The following CD82 variants were observed in gnomAD, a reference collection of about 807,000 sequenced individuals.
The protein encoded by CD82 is CD82 molecule.
A neutral mutation model predicts 37.4 loss-of-function variants in CD82; 36 were observed. The ratio of observed to expected loss-of-function variants is 0.96; its 90% CI spans 0.74 to 1.27. The LOEUF (loss-of-function observed/expected upper bound fraction) is 1.27. CD82 is among the 50% of genes most tolerant of loss of function. The probability of loss-of-function intolerance (pLI) is 0.00; values close to 1 mark genes in which losing one functional copy is unlikely to be tolerated. For synonymous variants in CD82, 158 were observed against 137.4 expected, an observed-to-expected ratio of 1.15 and a Z score of -1.05; for missense variants, 340 against 347.0, an observed-to-expected ratio of 0.98 and a Z score of 0.16.
chr11:44,598,954 G>T (rs1450878103), intron 3 of CD82, among the ~76,000 whole-genome samples: 1 of 152,172 alleles, frequency 6.6e-6, no homozygotes, highest in Non-Finnish European at 1.5e-5. Context: ...GTTGACACAG[G>T]GCCACCCCCA....
rs1367485336 is a variant in CD82, at chr11:44,597,562, C to T, written c.64-2596C>T. Among the ~76,000 whole-genome samples the T allele has an allele frequency of 6.6e-6, 1 of 152,232 alleles. No individual in the cohort carries two copies. The highest frequency in any genetic ancestry group is 2.4e-5 in the African/African-American group (1 of 41,450). On this transcript the variant is annotated intron_variant, in intron 3 of 9. Transcript: ENST00000227155. This position sits in a 1 kb window ranked among gnomAD's most constrained non-coding sequence, Gnocchi z 4.1. ...TACAGAGGGACTGAATGGGTAGCCC[C>T]GGGGACTTTGCTCTCTGGGTTCCTC...
At chr11:44,610,878 A>C (rs940579681) in intron 6 of CD82, among the ~76,000 whole-genome samples, 2 of 151,784 alleles carry the variant, frequency 1.3e-5, no homozygotes, top group Non-Finnish European at 2.9e-5. Flanking sequence ...TCTGTTGCCC[A>C]GGCTGGAGTG....
chr11:44,591,166 G>C (rs1293219172), intron 2 of CD82, among the ~76,000 whole-genome samples: 2 of 152,178 alleles, frequency 1.3e-5, no homozygotes, highest in African/African-American at 4.8e-5. Context: ...TGGGCTGCCT[G>C]GCTCTCATTT....
intron 2 of CD82, 48 bp from the exon 3 acceptor site, chr11:44,594,595 C>A: frequency 8.4e-7 from 1 of 1,196,544 alleles, no homozygotes; most frequent in Non-Finnish European, 1.3e-6. Context: ...GCTGCAAGGG[C>A]AGACTGAGCT....
At chr11:44,582,732 T>C (rs1479976678) in intron 1 of CD82, among the ~76,000 whole-genome samples, 1 of 152,188 alleles carries the variant, frequency 6.6e-6, no homozygotes, top group Non-Finnish European at 1.5e-5. Flanking sequence ...TGGGGCTTCT[T>C]GCAACCTCTC....
intron 6 of CD82, among the ~76,000 whole-genome samples, chr11:44,613,444 G>A (rs1194765469): frequency 6.6e-6 from 1 of 152,198 alleles, no homozygotes; most frequent in East Asian, 1.9e-4. Context: ...TGTTTTCTCT[G>A]TGGGGTTAGC....
chr11:44,619,031 C>T lies in CD82; in HGVS notation c.727-18C>T, dbSNP rs199690042. 4.9e-5 allele frequency: 79 copies of T among 1,612,094 alleles called. No homozygotes were observed. The Middle Eastern group carries it at 9.9e-4, about 20-fold the overall frequency. On this transcript the variant is annotated intron_variant, in intron 9 of 9. Transcript: ENST00000227155. Reference sequence around the variant, plus strand: ...CGGGACACCCAGCCTCCCTCTGACTCTCCGCCTCTCCCCACAGCTCCTGGG... The same window carrying T: ...CGGGACACCCAGCCTCCCTCTGACTTTCCGCCTCTCCCCACAGCTCCTGGG...
chr11:44,594,035 CGAT>C (rs1853184785), intron 2 of CD82, among the ~76,000 whole-genome samples: 1 of 152,034 alleles, frequency 6.6e-6, no homozygotes, highest in Non-Finnish European at 1.5e-5. Flanking sequence ...GCTACTAAAA[CGAT>C]GACAGTTTTT....
intron 6 of CD82, among the ~76,000 whole-genome samples, chr11:44,611,039 T>G (rs1853473381): frequency 6.6e-6 from 1 of 152,298 alleles, no homozygotes; most frequent in African/African-American, 2.4e-5. Flanking sequence ...TTCACCATGT[T>G]GGCCAGACTG....
intron 1 of CD82, among the ~76,000 whole-genome samples, chr11:44,569,394 A>G (rs1269757832): frequency 6.6e-6 from 1 of 152,184 alleles, no homozygotes; most frequent in Non-Finnish European, 1.5e-5. Context: ...CTGTGCTGAC[A>G]TGGACAGGCA....
intron 7 of CD82, 36 bp from the exon 8 acceptor site, chr11:44,618,126 C>T (rs376418348): frequency 2.1e-4 from 339 of 1,598,486 alleles, no homozygotes; most frequent in Non-Finnish European, 2.4e-4. Flanking sequence ...TAGGGTGAGC[C>T]GTGAGCACAA....
At chr11:44,595,502 T>A (rs890005414) in intron 3 of CD82, among the ~76,000 whole-genome samples, 1 of 151,552 alleles carries the variant, frequency 6.6e-6, no homozygotes, top group Non-Finnish European at 1.5e-5. Flanking sequence ...CCCTATAGTG[T>A]TAAAAAAAAA....
At chr11:44,587,879 G>A (rs1853080033) in intron 2 of CD82, 1 of 285,256 alleles carries the variant, frequency 3.5e-6, no homozygotes, top group Non-Finnish European at 7.1e-6. Context: ...AACTCAGACT[G>A]CCTTCAGGTG....
At chr11:44,592,398 G>A (rs1031890480) in intron 2 of CD82, among the ~76,000 whole-genome samples, 15 of 152,242 alleles carry the variant, frequency 9.9e-5, no homozygotes, top group African/African-American at 2.7e-4. Context: ...CTGCTTGGGC[G>A]CTGAACCTGG....
chr11:44,619,311 G>C lies in CD82; in HGVS notation c.*185G>C. On this transcript the variant is annotated 3_prime_UTR_variant, in exon 10 of 10. Coordinates refer to ENST00000227155, the MANE Select transcript of CD82 (RefSeq NM_002231.4). ...CTGGCCTATCCGCTGCCAGCCTTGA[G>C]CCCTGGCTGTTCTGTGGTTCCTCTG... 3 of 591,246 alleles carry C rather than the reference G, an allele frequency of 5.1e-6. No individual in the cohort carries two copies. Among genetic ancestry groups the C allele is most frequent in the Non-Finnish European group, 9.1e-6 (3 of 330,138 alleles). The allele number at this position is 591,246 out of a possible 1,614,324, so 36.6% of individuals were successfully genotyped here.
chr11:44,603,523 C>T (rs1366959549), intron 4 of CD82, among the ~76,000 whole-genome samples: 1 of 152,172 alleles, frequency 6.6e-6, no homozygotes, highest in Non-Finnish European at 1.5e-5. Context: ...AACGCAGGTC[C>T]TTGGCCTCCT....
Position 44,565,709 on chromosome 11 carries a change from A to C in CD82, c.-130A>C, listed in dbSNP as rs1852722856. 1 of 152,140 alleles carries C rather than the reference A, an allele frequency of 6.6e-6. No individual in the cohort carries two copies. The highest frequency in any genetic ancestry group is 1.5e-5 in the Non-Finnish European group (1 of 68,020). The allele number at this position is 152,140 out of a possible 1,614,324, so 9.4% of individuals were successfully genotyped here. ...CACGAGCGGGTGACGCTGGGCCTGCAGCGCGGAGCAGAAAGCAGAACCCGC... is the reference window on the plus strand; with the variant it reads ...CACGAGCGGGTGACGCTGGGCCTGCCGCGCGGAGCAGAAAGCAGAACCCGC... On this transcript the variant is annotated 5_prime_UTR_variant, in exon 1 of 10. Transcript: ENST00000227155.
intron 6 of CD82, among the ~76,000 whole-genome samples, chr11:44,611,425 A>G (rs1853479650): frequency 6.6e-6 from 1 of 152,302 alleles, no homozygotes; most frequent in East Asian, 1.9e-4. Context: ...AGGGCCGGGT[A>G]TGTGAGCATG....
chr11:44,564,722 C>T (rs1852702480), upstream of CD82, among the ~76,000 whole-genome samples: 1 of 152,216 alleles, frequency 6.6e-6, no homozygotes, highest in Non-Finnish European at 1.5e-5. Flanking sequence ...AGCTGCTGGG[C>T]ACTGCCCCAG....
Sources: allele counts gnomAD v4.1 joint callset (sites outside exome capture counted in the v4.1 genomes callset), GRCh38; gene constraint gnomAD v4.1.1; non-coding constraint Gnocchi (gnomAD v3.1); transcripts MANE v1.5; gene names NCBI Gene and HGNC (gene_info 2026-07-23, HGNC 2026-07-21).